The following ITSN2 variants were observed in gnomAD, a reference collection of about 807,000 sequenced individuals.
ITSN2 encodes intersectin-2.
ITSN2 carries 156 observed loss-of-function variants against 243.7 expected under a neutral mutation model. The observed-to-expected ratio is 0.64, with a 90% CI of 0.56 to 0.73. The LOEUF is 0.73. Ranked by LOEUF, ITSN2 falls within the 30% of genes least tolerant of loss-of-function variation. ITSN2 has a pLI of 0.00. For synonymous variants in ITSN2, 703 were observed against 699.9 expected (o/e 1.00, Z -0.07); for missense variants, 1,801 against 1,996.1 (o/e 0.90, Z 1.86).
chr2:24,223,180 T>C (rs982729010), intron 29 of ITSN2, among the ~76,000 whole-genome samples: 4 of 152,216 alleles, frequency 2.6e-5, no homozygotes, highest in African/African-American at 9.7e-5. Flanking sequence ...AGGCGCACCC[T>C]GCACCTGCCA....
chr2:24,310,071 T>C (rs778804510), intron 7 of ITSN2, among the ~76,000 whole-genome samples: 1 of 152,128 alleles, frequency 6.6e-6, no homozygotes, highest in African/African-American at 2.4e-5. Context: ...ACATGAATTA[T>C]TTTTTCAAAA....
intron 29 of ITSN2, among the ~76,000 whole-genome samples, chr2:24,245,731 T>C (rs1397068879): frequency 6.6e-6 from 1 of 152,128 alleles, no homozygotes; most frequent in African/African-American, 2.4e-5. Context: ...CTGCGTGCCT[T>C]GGCCTCCCAA....
At chr2:24,261,822 G>A (rs897660011) in intron 20 of ITSN2, 80 bp from the exon 21 acceptor site, 2 of 1,038,890 alleles carry the variant, frequency 1.9e-6, no homozygotes, top group Non-Finnish European at 2.8e-6. Flanking sequence ...CTATTGTATA[G>A]TATTCTCATT....
intron 1 of ITSN2, among the ~76,000 whole-genome samples, chr2:24,337,553 T>C (rs2151892040): frequency 6.7e-6 from 1 of 149,668 alleles, no homozygotes; most frequent in East Asian, 2.0e-4. Context: ...GGTTTCACCA[T>C]GTTGGCCAGG....
chr2:24,279,819 G>A (rs534514314), intron 17 of ITSN2, among the ~76,000 whole-genome samples: 12 of 130,162 alleles, frequency 9.2e-5, no homozygotes, highest in East Asian at 2.5e-4. Flanking sequence ...TACAACCTCC[G>A]CCTCCCGGGT....
intron 29 of ITSN2, among the ~76,000 whole-genome samples, chr2:24,222,512 C>T (rs957007587): frequency 1.3e-5 from 2 of 152,054 alleles, no homozygotes; most frequent in Admixed American, 6.5e-5. Context: ...GGACAAGTGC[C>T]ACCCTTATTG....
At chr2:24,237,927 C>T (rs1055588150) in intron 29 of ITSN2, among the ~76,000 whole-genome samples, 1 of 152,158 alleles carries the variant, frequency 6.6e-6, no homozygotes, top group African/African-American at 2.4e-5. Context: ...AGCCCTTGGC[C>T]TGCCTCTCAA....
rs894144447 is a variant in ITSN2, at chr2:24,357,614, G to A, written c.-34+2690C>T. Among the ~76,000 whole-genome samples the A allele has an allele frequency of 2.6e-5, 4 of 151,832 alleles. No individual in the cohort carries two copies. In the South Asian group the frequency reaches 6.2e-4, roughly 24 times the overall value. ...TTTTTGTAAGAAATAAAAAAAAATC[G>A]GCACACAAGAAAGTCTGCCTTTCTT... is the stretch of plus-strand genomic sequence containing the variant. On this transcript the variant is annotated intron_variant, in intron 1 of 39. Transcript: ENST00000355123.
chr2:24,268,635 T>C (rs907406436), intron 20 of ITSN2, among the ~76,000 whole-genome samples: 9 of 152,180 alleles, frequency 5.9e-5, no homozygotes, highest in African/African-American at 2.2e-4. Flanking sequence ...ATATAAATTA[T>C]ACTTTAATAA....
rs1553395899 is a variant in ITSN2 at position 24,337,317 on chromosome 2, T to TATATATATATATACATAC, written c.-33-9203_-33-9202insGTATGTATATATATATAT. ...TGTGTGTGTGTGTGTATACACAAAA[T>TATATATATATATACATAC]ATATATATATATATATATATATATA... On this transcript the variant is annotated intron_variant, in intron 1 of 39. Transcript: ENST00000355123. Among the ~76,000 whole-genome samples the TATATATATATATACATAC allele has an allele frequency of 3.2e-3, 157 of 49,172 alleles. 5 individuals carry two copies. Among genetic ancestry groups the TATATATATATATACATAC allele is most frequent in the Admixed American group, 4.4e-3 (18 of 4,048 alleles). The allele number at this position is 49,172 out of a possible 152,430, so 32.3% of individuals were successfully genotyped here.
intron 14 of ITSN2, among the ~76,000 whole-genome samples, chr2:24,295,369 C>G (rs1003632300): frequency 6.6e-6 from 1 of 152,168 alleles, no homozygotes. Context: ...TACAGTGGTG[C>G]GATCTGGGTT....
chr2:24,346,032 T>C (rs1400492581), intron 1 of ITSN2, among the ~76,000 whole-genome samples: 1 of 152,208 alleles, frequency 6.6e-6, no homozygotes, highest in African/African-American at 2.4e-5. Context: ...TTGTTTGCGC[T>C]ACCCTTCTAC....
chr2:24,359,215 C>T (rs545606513), intron 1 of ITSN2, among the ~76,000 whole-genome samples: 1 of 152,222 alleles, frequency 6.6e-6, no homozygotes, highest in African/African-American at 2.4e-5. Flanking sequence ...CACTGATTAA[C>T]AATATAGCAA....
rs1432023494 is a variant in ITSN2, at chr2:24,202,992, T to TA, written c.*633dup. On this transcript the variant is annotated 3_prime_UTR_variant, in exon 40 of 40. Transcript: ENST00000355123. The stretch of plus-strand genomic sequence containing the variant: ...ATAAATAATTTATACTTCAGAAAAT[T>TA]AAAGTTGAAAAATATTTTCCACATT... 6.5e-6 allele frequency: 1 copy of TA among 152,744 alleles called. No individual in the cohort carries two copies. The highest frequency in any genetic ancestry group is 1.9e-4 in the East Asian group (1 of 5,196). The allele number at this position is 152,744 out of a possible 1,614,324, so 9.5% of individuals were successfully genotyped here. A position where few individuals can be genotyped will look rare whatever the true frequency, so the allele number is the denominator to read the frequency against.
Position 24,282,848 on chromosome 2 carries a change from C to G in ITSN2, c.1944+1915G>C, listed in dbSNP as rs1453667708. The stretch of plus-strand genomic sequence containing the variant: ...AACCATCTTCTCCCCGTATGTTACA[C>G]TGAAAGTATTCTTTTTATCTAATCC... On this transcript the variant is annotated intron_variant, in intron 17 of 39. Coordinates refer to ENST00000355123, the MANE Select transcript of ITSN2 (RefSeq NM_006277.3). 2.6e-5 allele frequency among the ~76,000 whole-genome samples: 4 copies of G among 152,194 alleles called. No homozygotes were observed. The East Asian group carries it at 7.7e-4, about 29-fold the overall frequency.
intron 20 of ITSN2, among the ~76,000 whole-genome samples, chr2:24,264,054 T>A (rs1676268056): frequency 6.6e-6 from 1 of 152,154 alleles, no homozygotes; most frequent in Non-Finnish European, 1.5e-5. Flanking sequence ...TTCAAAGAGT[T>A]ACAGAATCAT....
chr2:24,338,350 TG>T (rs1686686977), intron 1 of ITSN2, among the ~76,000 whole-genome samples: 2 of 152,340 alleles, frequency 1.3e-5, no homozygotes, highest in East Asian at 3.9e-4. Context: ...CCTTTCTGGA[TG>T]GAACCAATGT....
At position 24,310,313 on chromosome 2, in the gene ITSN2, C is replaced by A. The variant is rs142440085; in HGVS notation, c.624G>T (p.Ala208=). The A allele has an allele frequency of 1.2e-6, 2 of 1,613,166 alleles. No individual in the cohort carries two copies. Among genetic ancestry groups the A allele is most frequent in the African/African-American group, 2.7e-5 (2 of 74,756 alleles). The change falls in exon 7 of 40, where the codon GCG becomes GCT. Residue 208 remains alanine (A), a synonymous_variant. Transcript: ENST00000355123. The part of the protein sequence containing the change: ...GGFGGASIQK[A]QSLIDLGSSS... ...TAGATCCTAAATCAATCAGAGACTG[C>A]GCTTTCTGTATACTAGCACCTCCAA...
At chr2:24,303,433 A>C (rs756915870) in intron 9 of ITSN2, among the ~76,000 whole-genome samples, 1 of 152,254 alleles carries the variant, frequency 6.6e-6, no homozygotes, top group Non-Finnish European at 1.5e-5. Flanking sequence ...AAGAGCTTAA[A>C]GAATAGGATA....
Sources: allele counts gnomAD v4.1 joint callset (sites outside exome capture counted in the v4.1 genomes callset), GRCh38; gene constraint gnomAD v4.1.1; transcripts MANE v1.5; gene names NCBI Gene and HGNC (gene_info 2026-07-23, HGNC 2026-07-21).